Variants in MVB12B observed in about 807,000 individuals in gnomAD.
The protein encoded by MVB12B is ESCRT-I complex subunit MVB12B.
A neutral mutation model predicts 41.6 loss-of-function variants in MVB12B; 16 were observed. The ratio of observed to expected loss-of-function variants is 0.38; its 90% CI spans 0.26 to 0.58. MVB12B has a LOEUF of 0.58. Among genes scored for constraint, MVB12B ranks in the 20% least tolerant of loss-of-function variants. The pLI is 0.62. For synonymous variants in MVB12B, 133 were observed against 139.7 expected (o/e 0.95, Z 0.34); for missense variants, 274 against 380.2 (o/e 0.72, Z 2.32).
intron 7 of MVB12B, among the ~76,000 whole-genome samples, chr9:126,476,734 G>A (rs1238242051): frequency 3.3e-5 from 5 of 151,718 alleles, no homozygotes; most frequent in African/African-American, 9.7e-5. Context: ...AAAATTAGCC[G>A]GGCATGGTGG....
chr9:126,485,864 G>A (rs1465176557), intron 9 of MVB12B, among the ~76,000 whole-genome samples: 2 of 152,182 alleles, frequency 1.3e-5, no homozygotes, highest in Non-Finnish European at 2.9e-5. Context: ...CACGGGGTGT[G>A]TGGCTTCTCT....
intron 6 of MVB12B, among the ~76,000 whole-genome samples, chr9:126,421,563 G>T (rs969286874): frequency 6.6e-6 from 1 of 152,194 alleles, no homozygotes; most frequent in Non-Finnish European, 1.5e-5. Context: ...CTGCCACCCC[G>T]TAGAGTCCCT....
chr9:126,387,554 A>G (rs1202156751), intron 4 of MVB12B, among the ~76,000 whole-genome samples: 1 of 152,150 alleles, frequency 6.6e-6, no homozygotes, highest in Non-Finnish European at 1.5e-5. Flanking sequence ...ATCTTTACGC[A>G]GATCCCCTGC....
intron 7 of MVB12B, among the ~76,000 whole-genome samples, chr9:126,450,154 G>A (rs1832862772): frequency 6.6e-6 from 1 of 152,200 alleles, no homozygotes; most frequent in Non-Finnish European, 1.5e-5. Context: ...GCCTGGGAGG[G>A]CCCATCAGGT....
intron 7 of MVB12B, among the ~76,000 whole-genome samples, chr9:126,470,238 A>G (rs961662028): frequency 6.6e-6 from 1 of 152,196 alleles, no homozygotes; most frequent in Non-Finnish European, 1.5e-5. Flanking sequence ...GACAAAAGCA[A>G]TGTTTGCTGA....
In MVB12B at chr9:126,391,662, C is replaced by A. The variant is rs938027645; in HGVS notation, c.410-404C>A. ...GGTGACGGGAACACGTGGATTCATT[C>A]CACTGTTCTCTCTGCTTTGGGGTAT... On this transcript the variant is annotated intron_variant, in intron 4 of 9. Coordinates refer to ENST00000361171, the MANE Select transcript of MVB12B (RefSeq NM_033446.3). This position sits in a 1 kb window ranked among gnomAD's most constrained non-coding sequence, Gnocchi z 4.4. Among the ~76,000 whole-genome samples the A allele has an allele frequency of 6.6e-6, 1 of 152,200 alleles. No homozygotes were observed. Among genetic ancestry groups the A allele is most frequent in the Non-Finnish European group, 1.5e-5 (1 of 68,036 alleles).
At chr9:126,402,519 C>T (rs1200921662) in intron 6 of MVB12B, among the ~76,000 whole-genome samples, 1 of 152,166 alleles carries the variant, frequency 6.6e-6, no homozygotes. Context: ...TGGCACAAGC[C>T]TGTGGTCCTA....
chr9:126,359,940 T>C (rs1312532357), intron 2 of MVB12B, among the ~76,000 whole-genome samples: 6 of 152,188 alleles, frequency 3.9e-5, no homozygotes, highest in African/African-American at 1.4e-4. Flanking sequence ...TTTAACTTTA[T>C]TGTGTTCACT....
intron 6 of MVB12B, among the ~76,000 whole-genome samples, chr9:126,399,080 C>T (rs1171965963): frequency 6.6e-6 from 1 of 152,084 alleles, no homozygotes; most frequent in Non-Finnish European, 1.5e-5. Context: ...TGTGGTGTCA[C>T]CGGCTTTGGA....
At chr9:126,496,303 ACCCATCAC>A (rs1343779845) in intron 9 of MVB12B, among the ~76,000 whole-genome samples, 1 of 112,414 alleles carries the variant, frequency 8.9e-6, no homozygotes, top group Non-Finnish European at 1.8e-5. Context: ...CCATACACCT[ACCCATCAC>A]CCCACCCACC....
intron 2 of MVB12B, among the ~76,000 whole-genome samples, chr9:126,375,999 A>C (rs1414452422): frequency 6.6e-6 from 1 of 152,126 alleles, no homozygotes; most frequent in Non-Finnish European, 1.5e-5. Context: ...GGAAACACTC[A>C]GGACCTCTTT....
chr9:126,451,675 G>T (rs1055911502), intron 7 of MVB12B, among the ~76,000 whole-genome samples: 1 of 152,054 alleles, frequency 6.6e-6, no homozygotes, highest in African/African-American at 2.4e-5. Flanking sequence ...GGTGGGACAC[G>T]ACCCTCCCAC....
chr9:126,450,910 C>G (rs1211912130), intron 7 of MVB12B, among the ~76,000 whole-genome samples: 1 of 152,190 alleles, frequency 6.6e-6, no homozygotes, highest in East Asian at 1.9e-4. Flanking sequence ...CAGGGATGTC[C>G]TTCAGCCCTG....
At chr9:126,490,568 A>G (rs1833711313) in intron 9 of MVB12B, among the ~76,000 whole-genome samples, 1 of 152,204 alleles carries the variant, frequency 6.6e-6, no homozygotes, top group Admixed American at 6.5e-5. Flanking sequence ...GGAAGCACAC[A>G]TTAGCCTGCC....
intron 2 of MVB12B, among the ~76,000 whole-genome samples, chr9:126,341,958 C>G (rs1217969972): frequency 6.6e-6 from 1 of 152,210 alleles, no homozygotes; most frequent in Non-Finnish European, 1.5e-5. Context: ...TGTTTGAAAG[C>G]TCATAAACAT....
intron 6 of MVB12B, among the ~76,000 whole-genome samples, chr9:126,411,586 G>T (rs1312683321): frequency 6.6e-6 from 1 of 152,072 alleles, no homozygotes; most frequent in African/African-American, 2.4e-5. Flanking sequence ...AGAGGAAATA[G>T]GTCTCTTTTA....
intron 9 of MVB12B, among the ~76,000 whole-genome samples, chr9:126,492,117 T>TGC (rs1208719373): frequency 1.6e-5 from 2 of 128,526 alleles, no homozygotes; most frequent in Non-Finnish European, 1.8e-5. Flanking sequence ...CTGCGGCACG[T>TGC]GCACACACAC....
At chr9:126,419,413 T>C (rs1314576767) in intron 6 of MVB12B, among the ~76,000 whole-genome samples, 2 of 152,184 alleles carry the variant, frequency 1.3e-5, no homozygotes, top group Non-Finnish European at 2.9e-5. Flanking sequence ...AAATTCTTGA[T>C]AGCATTTGAA....
intron 9 of MVB12B, among the ~76,000 whole-genome samples, chr9:126,496,710 AG>A (rs547571448): frequency 3.5e-4 from 53 of 152,042 alleles, no homozygotes; most frequent in African/African-American, 1.2e-3. Context: ...GGGAGAGGAG[AG>A]AGAACCATGC....
Sources: gnomAD v4.1 joint callset for allele counts (sites outside exome capture counted in the v4.1 genomes callset) on GRCh38, gnomAD v4.1.1 for gene constraint, Gnocchi (gnomAD v3.1) non-coding constraint, MANE v1.5 for transcripts, NCBI Gene and HGNC (gene_info 2026-07-23, HGNC 2026-07-21) for gene names.